The following CADPS2 variants were observed in gnomAD, a reference collection of about 807,000 sequenced individuals.
The protein encoded by CADPS2 is calcium dependent secretion activator 2, also known as calcium-dependent secretion activator 2.
Under a neutral mutation model 172.5 loss-of-function variants are expected in CADPS2, and 93 were observed. The ratio of observed to expected loss-of-function variants is 0.54; its 90% confidence interval spans 0.46 to 0.64. The LOEUF (loss-of-function observed/expected upper bound fraction) is 0.64. Ranked by LOEUF, CADPS2 falls within the 30% of genes least tolerant of loss-of-function variation. The pLI, the probability that CADPS2 is intolerant of heterozygous loss-of-function variation, is 0.00. For missense variants in CADPS2, 1,420 were observed against 1,565.9 expected (o/e 0.91, Z 1.57); for synonymous variants, 546 against 555.2 (o/e 0.98, Z 0.23).
At chr7:122,424,511 G>A (rs181995007) in intron 17 of CADPS2, 213 of 155,870 alleles carry the variant, frequency 1.4e-3, no homozygotes, top group Non-Finnish European at 2.6e-3. Context: ...ATACATGTGA[G>A]GTAAAAGTCA....
intron 17 of CADPS2, among the ~76,000 whole-genome samples, chr7:122,417,669 A>G (rs2048086650): frequency 6.6e-6 from 1 of 152,136 alleles, no homozygotes; most frequent in African/African-American, 2.4e-5. Flanking sequence ...AGCTGTTCTA[A>G]TTTTGTCAGG....
At chr7:122,788,014 C>A (rs12533238) in intron 1 of CADPS2, among the ~76,000 whole-genome samples, 3 of 151,966 alleles carry the variant, frequency 2.0e-5, no homozygotes, top group East Asian at 1.9e-4. Context: ...AACATCCCCC[C>A]TGTGAGAATA....
At chr7:122,851,992 CA>C (rs1297419671) in intron 1 of CADPS2, among the ~76,000 whole-genome samples, 1 of 152,172 alleles carries the variant, frequency 6.6e-6, no homozygotes, top group Non-Finnish European at 1.5e-5. Flanking sequence ...CCCCTATATA[CA>C]AACCAGGAAA....
At chr7:122,428,469 ATATT>A (rs771582934) in intron 17 of CADPS2, among the ~76,000 whole-genome samples, 5,832 of 124,778 alleles carry the variant, frequency 0.047, 154 homozygotes, top group Non-Finnish European at 0.05. Context: ...ATATATATAT[ATATT>A]TTTTTTTTTT....
At chr7:122,592,864 G>A (rs1250671954) in intron 6 of CADPS2, among the ~76,000 whole-genome samples, 1 of 151,830 alleles carries the variant, frequency 6.6e-6, no homozygotes, top group African/African-American at 2.4e-5. Flanking sequence ...GGGAGGAATA[G>A]CATTAGGAGA....
chr7:122,492,455 G>A (rs374262402), intron 9 of CADPS2, among the ~76,000 whole-genome samples: 1 of 151,996 alleles, frequency 6.6e-6, no homozygotes, highest in East Asian at 1.9e-4. Flanking sequence ...GGATCACAAG[G>A]CCATATTTGA....
At chr7:122,760,868 C>T (rs1205696739) in intron 1 of CADPS2, among the ~76,000 whole-genome samples, 1 of 151,272 alleles carries the variant, frequency 6.6e-6, no homozygotes, top group African/African-American at 2.4e-5. Context: ...TGTTAAATGA[C>T]GAGTTACTGG....
At chr7:122,649,329 C>T (rs10953961) in intron 3 of CADPS2, among the ~76,000 whole-genome samples, 1 of 151,804 alleles carries the variant, frequency 6.6e-6, no homozygotes, top group Non-Finnish European at 1.5e-5. Flanking sequence ...AATTAAATGT[C>T]CAAGAAAGAA....
chr7:122,396,019 G>A (rs1330091246), intron 20 of CADPS2, among the ~76,000 whole-genome samples: 11 of 151,784 alleles, frequency 7.2e-5, no homozygotes, highest in Non-Finnish European at 1.6e-4. Context: ...CATGTTGGTC[G>A]GGCTAGTCTC....
chr7:122,648,281 C>G (rs1003965841), intron 3 of CADPS2, among the ~76,000 whole-genome samples: 3 of 152,008 alleles, frequency 2.0e-5, no homozygotes, highest in African/African-American at 7.3e-5. Flanking sequence ...CTAGACCCTC[C>G]CAAAGGGTTC....
chr7:122,324,228 C>A (rs1056144100), intron 29 of CADPS2, among the ~76,000 whole-genome samples: 1 of 152,032 alleles, frequency 6.6e-6, no homozygotes, highest in Non-Finnish European at 1.5e-5. Flanking sequence ...TCTGGTTCTA[C>A]TTTCCAGTAG....
chr7:122,426,278 C>G (rs1373637914), intron 17 of CADPS2: 3 of 152,188 alleles, frequency 2.0e-5, no homozygotes, highest in Non-Finnish European at 4.4e-5. Flanking sequence ...TAGAGAAAGT[C>G]TCCCAATTGG....
chr7:122,586,238 G>A (rs28565406), intron 6 of CADPS2, among the ~76,000 whole-genome samples: 25,659 of 151,798 alleles, frequency 0.17, 2,616 homozygotes, highest in African/African-American at 0.29. Flanking sequence ...GTGAGCAACC[G>A]AAGTCCCTAT....
intron 1 of CADPS2, among the ~76,000 whole-genome samples, chr7:122,854,236 T>G (rs962145823): frequency 6.6e-6 from 1 of 151,978 alleles, no homozygotes; most frequent in African/African-American, 2.4e-5. Flanking sequence ...GGGTGACTCG[T>G]GCCTGTAGTC....
chr7:122,627,821 T>C (rs1274258700), intron 4 of CADPS2, among the ~76,000 whole-genome samples: 1 of 152,168 alleles, frequency 6.6e-6, no homozygotes, highest in African/African-American at 2.4e-5. Context: ...AGAAAAGCAA[T>C]TTCTTTTCCA....
chr7:122,648,842 C>T (rs1167945980), intron 3 of CADPS2, among the ~76,000 whole-genome samples: 1 of 152,084 alleles, frequency 6.6e-6, no homozygotes, highest in Non-Finnish European at 1.5e-5. Flanking sequence ...TCATAGGCAA[C>T]ACAGAGGTAA....
intron 24 of CADPS2, among the ~76,000 whole-genome samples, chr7:122,384,992 C>T (rs142077275): frequency 7.4e-4 from 113 of 151,984 alleles, no homozygotes; most frequent in African/African-American, 2.4e-3. Flanking sequence ...TAAGAACAAA[C>T]GGATAAACCC....
intron 1 of CADPS2, among the ~76,000 whole-genome samples, chr7:122,817,001 A>AC (rs888835416): frequency 1.0e-4 from 15 of 149,054 alleles, no homozygotes; most frequent in African/African-American, 2.7e-4. Flanking sequence ...CCGCCAGAGA[A>AC]CCCCCCTTTG....
At chr7:122,626,940 T>G (rs1037053156) in intron 4 of CADPS2, among the ~76,000 whole-genome samples, 1 of 152,220 alleles carries the variant, frequency 6.6e-6, no homozygotes, top group Non-Finnish European at 1.5e-5. Flanking sequence ...AAAGTCAACA[T>G]GTCTCTTGAA....
Sources: allele counts gnomAD v4.1 joint callset (sites outside exome capture counted in the v4.1 genomes callset), GRCh38; gene constraint gnomAD v4.1.1; transcripts MANE v1.5; gene names NCBI Gene and HGNC (gene_info 2026-07-23, HGNC 2026-07-21).